The following SLC19A1 variants were observed in gnomAD, a reference collection of about 807,000 sequenced individuals.
SLC19A1 encodes the protein solute carrier family 19 member 1.
In SLC19A1, 37 loss-of-function variants were observed where a neutral mutation model predicts 35.3. The observed-to-expected ratio is 1.05, with a 90% confidence interval of 0.81 to 1.38. The LOEUF is 1.38. Ranked by LOEUF, SLC19A1 falls within the 40% of genes most tolerant of loss-of-function variation. SLC19A1 has a pLI of 0.00. For missense variants in SLC19A1, 831 were observed against 826.9 expected (o/e 1.00, Z -0.06); for synonymous variants, 460 against 398.5 (o/e 1.15, Z -1.84).
At chr21:45,521,178 C>A (rs541215319) in intron 5 of SLC19A1, among the ~76,000 whole-genome samples, 1 of 152,302 alleles carries the variant, frequency 6.6e-6, no homozygotes, top group East Asian at 1.9e-4. Context: ...AGACTTCAAG[C>A]CTCCGGAACT....
intron 1 of SLC19A1, among the ~76,000 whole-genome samples, chr21:45,541,258 G>C (rs570303144): frequency 1.3e-5 from 2 of 152,376 alleles, no homozygotes; most frequent in African/African-American, 4.8e-5. Flanking sequence ...GCAGTGCACA[G>C]GTGGCACCCA....
At position 45,531,690 on chromosome 21, in the gene SLC19A1, G is replaced by A. The variant is rs1161818682; in HGVS notation, c.648C>T (p.Asp216=). 6 of 1,612,440 alleles carry A rather than the reference G, an allele frequency of 3.7e-6. No individual in the cohort carries two copies. Among genetic ancestry groups the A allele is most frequent in the Non-Finnish European group, 5.1e-6 (6 of 1,179,766 alleles). ...AAGCCGAGGTTTCGCACCGCCCCCG[G>A]TCGTCGCGGTTGAAGAAGAGGCTGC... The part of the protein sequence containing the change: ...PKRSLFFNRD[D]RGRCETSASE... Residue 216 remains aspartate (D), a synonymous_variant, in exon 3 of 6, where the codon GAC becomes GAT. Transcript: ENST00000311124.
Position 45,530,912 on chromosome 21 carries a change from G to C in SLC19A1, c.1009C>G (p.Leu337Val). 6.8e-7 allele frequency: 1 copy of C among 1,469,292 alleles called. No homozygotes were observed. Among genetic ancestry groups the C allele is most frequent in the Non-Finnish European group, 9.0e-7 (1 of 1,112,694 alleles). The allele number at this position is 1,469,292 out of a possible 1,614,324, so 91.0% of individuals were successfully genotyped here. ...VKIRWARWSK[L>V]LIAGVTATQA... Reference sequence around the variant, plus strand: ...GTGGCCGTGACGCCCGCGATGAGCAGCTTGGACCAGCGCGCCCAGCGGATC... The same window carrying C: ...GTGGCCGTGACGCCCGCGATGAGCACCTTGGACCAGCGCGCCCAGCGGATC... Residue 337 changes from leucine (L) to valine (V), a missense_variant, in exon 4 of 6, where the codon CTG (leucine) becomes GTG (valine). Physicochemically the swap from Leu to Val is conservative, Grantham distance 32. Transcript: ENST00000311124. The surrounding 1 kb of genome is among the most constrained non-coding windows in gnomAD (Gnocchi z 5.3).
chr21:45,505,138 C>T (rs2037115005), intron 3 of SLC19A1: 1 of 1,609,310 alleles, frequency 6.2e-7, no homozygotes, highest in African/African-American at 1.3e-5. Flanking sequence ...CCGTAGGGTC[C>T]CAAGGGAGAG....
At chr21:45,509,447 G>A (rs112359725), downstream of SLC19A1, 29 of 1,533,068 alleles carry the variant, frequency 1.9e-5, no homozygotes, top group African/African-American at 1.2e-4. Flanking sequence ...CCCACCGCGC[G>A]GCCCTGGCGG....
In SLC19A1 at chr21:45,531,465, C is replaced by T; in HGVS notation, c.873G>A (p.Leu291=). The change falls in exon 3 of 6, where the codon CTG becomes CTA. Residue 291 remains leucine, a synonymous_variant. Coordinates refer to ENST00000311124, the MANE Select transcript of SLC19A1 (RefSeq NM_194255.4). The part of the protein sequence containing the change: ...YYLVVYYVHI[L]WNEVDPTTNS... ...TGGTGGTGGGGTCCACCTCGTTCCA[C>T]AGGATGTGCACGTAGTAGACCACCA... 1 of 1,612,552 alleles carries T rather than the reference C, an allele frequency of 6.2e-7. No homozygotes were observed. The highest frequency in any genetic ancestry group is 8.5e-7 in the Non-Finnish European group (1 of 1,179,654).
At chr21:45,550,900 A>T (rs962561539) in intron 1 of SLC19A1, among the ~76,000 whole-genome samples, 1 of 9,870 alleles carries the variant, frequency 1.0e-4, no homozygotes, top group Non-Finnish European at 2.1e-4. Flanking sequence ...CTTCCCTCCC[A>T]CCACCGCCCC....
rs903777706 is a variant in SLC19A1 at position 45,540,462 on chromosome 21, C to T, written c.-50+1906G>A. Among the ~76,000 whole-genome samples the T allele has an allele frequency of 2.5e-4, 38 of 152,298 alleles. No individual in the cohort carries two copies. The highest frequency in any genetic ancestry group is 7.2e-4 in the African/African-American group (30 of 41,566). ...TTCTGAAAGGTGCCACCTCCAGAAG[C>T]GACCAGAACATTCCTTCCTTGGAGA... On this transcript the variant is annotated intron_variant, in intron 1 of 5. Transcript: ENST00000311124. The surrounding 1 kb of genome is among the most constrained non-coding windows in gnomAD (Gnocchi z 5.5).
downstream of SLC19A1, chr21:45,511,289 G>A: frequency 1.2e-6 from 1 of 842,088 alleles, no homozygotes; most frequent in Non-Finnish European, 2.0e-6. Flanking sequence ...GGGCGGGCGG[G>A]CTCCTATCTG....
At chr21:45,503,129 C>A in intron 3 of SLC19A1, among the ~76,000 whole-genome samples, 1 of 152,122 alleles carries the variant, frequency 6.6e-6, no homozygotes, top group Non-Finnish European at 1.5e-5. Context: ...AGTTCTAGAT[C>A]CCTGAGGAAT....
rs952803705 is a variant in SLC19A1 at position 45,530,361 on chromosome 21, A to AGT, written c.1151+407_1151+408dup. On this transcript the variant is annotated intron_variant, in intron 4 of 5. Transcript: ENST00000311124. This position sits in a 1 kb window ranked among gnomAD's most constrained non-coding sequence, Gnocchi z 5.3. ...TCTGTGCGCATGTGGTGTGTTCATG[A>AGT]GTGTGTGTGTGTCCATGTGTGAGCG... Among the ~76,000 whole-genome samples, 3 of 143,682 alleles carry AGT rather than the reference A, an allele frequency of 2.1e-5. No homozygotes were observed. The highest frequency in any genetic ancestry group is 3.0e-5 in the Non-Finnish European group (2 of 65,596). The allele number at this position is 143,682 out of a possible 152,430, so 94.3% of individuals were successfully genotyped here. A position where few individuals can be genotyped will look rare whatever the true frequency, so the allele number is the denominator to read the frequency against.
At chr21:45,537,272 T>C (rs1204867323) in intron 2 of SLC19A1, among the ~76,000 whole-genome samples, 1 of 152,144 alleles carries the variant, frequency 6.6e-6, no homozygotes, top group Admixed American at 6.5e-5. Context: ...TGCCCGCTGC[T>C]GGGAGTGTGA....
intron 1 of SLC19A1, among the ~76,000 whole-genome samples, chr21:45,552,747 G>A (rs763074740): frequency 1.3e-5 from 2 of 152,050 alleles, no homozygotes; most frequent in African/African-American, 2.4e-5. Context: ...CCCCTAATGC[G>A]GAGCCTGCAG....
chr21:45,515,520 C>T lies in SLC19A1; in HGVS notation c.*138G>A. On this transcript the variant is annotated 3_prime_UTR_variant, in exon 6 of 6. Transcript: ENST00000311124. Reference sequence around the variant, plus strand: ...CTGTGGCCACCGCCAGAGTGCGGCACAGGGCAGGGGGAATCCTAGGGGGCC... The same window carrying T: ...CTGTGGCCACCGCCAGAGTGCGGCATAGGGCAGGGGGAATCCTAGGGGGCC... The T allele has an allele frequency of 1.3e-6, 2 of 1,520,524 alleles. No homozygotes were observed. Among genetic ancestry groups the T allele is most frequent in the Non-Finnish European group, 1.7e-6 (2 of 1,148,560 alleles). 94.2% of individuals were successfully genotyped at this position (1,520,524 alleles called of 1,614,324 possible).
At chr21:45,510,763 G>A (rs1435788983), downstream of SLC19A1, among the ~76,000 whole-genome samples, 4 of 152,176 alleles carry the variant, frequency 2.6e-5, no homozygotes. Context: ...CAGCAGAGGG[G>A]TCAGAGACCC....
intron 1 of SLC19A1, among the ~76,000 whole-genome samples, chr21:45,554,720 T>C (rs187448194): frequency 2.6e-5 from 4 of 151,190 alleles, no homozygotes; most frequent in Non-Finnish European, 4.4e-5. Context: ...CATTTGGACA[T>C]CTCCTTCCGC....
Position 45,537,936 on chromosome 21 carries a change from C to T in SLC19A1, c.24G>A (p.Val8=). The T allele has an allele frequency of 6.3e-7, 1 of 1,580,932 alleles. No homozygotes were observed. The change falls in exon 2 of 6, where the codon GTG becomes GTA. Residue 8 remains valine, a synonymous_variant. Coordinates refer to ENST00000311124, the MANE Select transcript of SLC19A1 (RefSeq NM_194255.4). ...CAGGTTCCACGGGCACCTGCTTCTC[C>T]ACCGCTGGGCTGGAGGGCACCATCC... MVPSSPA[V]EKQVPVEPGP...
At chr21:45,561,491 T>G (rs2078614508) in intron 1 of SLC19A1, among the ~76,000 whole-genome samples, 1 of 152,186 alleles carries the variant, frequency 6.6e-6, no homozygotes, top group Admixed American at 6.5e-5. Flanking sequence ...CCGGGCGCGG[T>G]GGCTCATGCC....
upstream of SLC19A1, among the ~76,000 whole-genome samples, chr21:45,546,277 C>A (rs1244593391): frequency 1.3e-5 from 2 of 152,256 alleles, no homozygotes; most frequent in African/African-American, 4.8e-5. Flanking sequence ...TTGTCCCTGG[C>A]CTGCCTGGAG....
Sources: gnomAD v4.1 joint callset for allele counts (sites outside exome capture counted in the v4.1 genomes callset) on GRCh38, gnomAD v4.1.1 for gene constraint, Gnocchi (gnomAD v3.1) non-coding constraint, MANE v1.5 for transcripts, NCBI Gene and HGNC (gene_info 2026-07-23, HGNC 2026-07-21) for gene names.